XRCC5: variants seen among roughly 807,000 people sequenced by gnomAD.
XRCC5 encodes the protein DNA repair protein Ku80.
XRCC5 carries 12 observed loss-of-function variants against 95.7 expected under a neutral mutation model. That is an observed-to-expected ratio of 0.13 (90% CI 0.08 to 0.20). The LOEUF is 0.20. Ranked by LOEUF, XRCC5 falls within the 10% of genes least tolerant of loss-of-function variation. The pLI, the probability that XRCC5 is intolerant of heterozygous loss-of-function variation, is 1.00. For synonymous variants in XRCC5, 281 were observed against 290.3 expected, an observed-to-expected ratio of 0.97 and a Z score of 0.33; for missense variants, 595 against 873.9, an observed-to-expected ratio of 0.68 and a Z score of 4.02.
chr2:216,172,469 C>CTTTTTTTTTTTTTTTTTTTTTTTTT lies in XRCC5; in HGVS notation c.1834+10438_1834+10439insTTTTTTTTTTTTTTTTTTTTTTTTT, dbSNP rs746493174. Among the ~76,000 whole-genome samples the CTTTTTTTTTTTTTTTTTTTTTTTTT allele has an allele frequency of 6.1e-4, 66 of 107,738 alleles. 7 individuals carry two copies. Among genetic ancestry groups the CTTTTTTTTTTTTTTTTTTTTTTTTT allele is most frequent in the African/African-American group, 1.6e-3 (42 of 25,476 alleles). 70.7% of individuals were successfully genotyped at this position (107,738 alleles called of 152,430 possible). The stretch of plus-strand genomic sequence containing the variant: ...AAACTTTAGCATCAGCTTTTCTTTT[C>CTTTTTTTTTTTTTTTTTTTTTTTTT]TTTTTTTTTTTTTTTTTGAGACAAA... On this transcript the variant is annotated intron_variant, in intron 16 of 20. Transcript: ENST00000392132.
chr2:216,190,136 A>AAT, intron 16 of XRCC5, 89 bp from the exon 17 acceptor site: 1 of 1,109,640 alleles, frequency 9.0e-7, no homozygotes. Context: ...CTTGTGAACT[A>AAT]TAATACATAC....
chr2:216,192,944 A>G (rs1689645664), intron 18 of XRCC5, among the ~76,000 whole-genome samples: 1 of 152,174 alleles, frequency 6.6e-6, no homozygotes, highest in Non-Finnish European at 1.5e-5. Flanking sequence ...AGAGTGATAA[A>G]TAATAAATAA....
chr2:216,115,040 C>T (rs989439195), intron 2 of XRCC5, among the ~76,000 whole-genome samples: 1 of 152,088 alleles, frequency 6.6e-6, no homozygotes, highest in East Asian at 1.9e-4. Context: ...CAAAGAAGGG[C>T]GCAGGGCACT....
intron 16 of XRCC5, among the ~76,000 whole-genome samples, chr2:216,169,181 A>C (rs1305466532): frequency 6.6e-6 from 1 of 152,230 alleles, no homozygotes; most frequent in Non-Finnish European, 1.5e-5. Context: ...CTAAACATAC[A>C]TATTCAGCAG....
intron 13 of XRCC5, among the ~76,000 whole-genome samples, chr2:216,141,566 TC>T (rs869104927): frequency 0.013 from 697 of 53,770 alleles, 70 homozygotes; most frequent in African/African-American, 0.041. Context: ...TTTTTTTTTT[TC>T]CTGGAAGAAG....
intron 19 of XRCC5, among the ~76,000 whole-genome samples, chr2:216,197,401 C>T (rs1231800320): frequency 1.4e-5 from 2 of 147,012 alleles, no homozygotes; most frequent in African/African-American, 5.0e-5. Flanking sequence ...GCCGAGATCG[C>T]GCCATTGCAC....
chr2:216,115,186 G>A (rs1378874978), intron 2 of XRCC5, among the ~76,000 whole-genome samples: 2 of 152,056 alleles, frequency 1.3e-5, no homozygotes, highest in Non-Finnish European at 2.9e-5. Context: ...TGTTTACTTC[G>A]AGAAGACCAA....
Position 216,116,695 on chromosome 2 carries a change from C to T in XRCC5, c.172C>T (p.Leu58=). The change falls in exon 3 of 21, where the codon CTG becomes TTG. Residue 58 remains leucine (L), a synonymous_variant. Transcript: ENST00000392132. ...GAACAAGGATGAGATTGCTTTAGTC[C>T]TGTTTGGTACAGATGGCACTGACAA... ...AENKDEIALV[L]FGTDGTDNPL... 6.2e-7 allele frequency: 1 copy of T among 1,614,136 alleles called. No homozygotes were observed. The highest frequency in any genetic ancestry group is 2.2e-5 in the East Asian group (1 of 44,890).
intron 16 of XRCC5, among the ~76,000 whole-genome samples, chr2:216,169,015 A>AGGGTCAC (rs1177235648): frequency 6.6e-6 from 1 of 152,252 alleles, no homozygotes; most frequent in Non-Finnish European, 1.5e-5. Flanking sequence ...CACATATCTG[A>AGGGTCAC]AACCTTGTGC....
chr2:216,120,442 G>A (rs1377032390), intron 5 of XRCC5, among the ~76,000 whole-genome samples: 2 of 152,078 alleles, frequency 1.3e-5, no homozygotes, highest in African/African-American at 4.8e-5. Flanking sequence ...CTTTCTTCCT[G>A]TGCTACAAAC....
intron 16 of XRCC5, among the ~76,000 whole-genome samples, chr2:216,164,718 A>G (rs930655099): frequency 1.3e-5 from 2 of 152,236 alleles, no homozygotes; most frequent in Non-Finnish European, 2.9e-5. Context: ...ATTTACGCAC[A>G]GTCACGGCCT....
At chr2:216,149,882 AT>A (rs1435432034) in intron 14 of XRCC5, among the ~76,000 whole-genome samples, 1 of 152,176 alleles carries the variant, frequency 6.6e-6, no homozygotes, top group African/African-American at 2.4e-5. Flanking sequence ...AGCTAAGTTA[AT>A]CTTGCAGGGG....
intron 9 of XRCC5, among the ~76,000 whole-genome samples, chr2:216,131,832 G>A (rs1245521678): frequency 2.0e-5 from 3 of 152,120 alleles, no homozygotes; most frequent in African/African-American, 4.8e-5. Flanking sequence ...TTCTCCAAAT[G>A]TACCATGCTT....
chr2:216,136,306 A>C (rs1033921813), intron 10 of XRCC5, among the ~76,000 whole-genome samples: 28 of 151,136 alleles, frequency 1.9e-4, no homozygotes, highest in Non-Finnish European at 2.4e-4. Flanking sequence ...CGGTGAGCTG[A>C]GATCACGCCA....
intron 16 of XRCC5, among the ~76,000 whole-genome samples, chr2:216,168,444 G>A (rs1367716640): frequency 1.3e-5 from 2 of 152,106 alleles, no homozygotes; most frequent in East Asian, 1.9e-4. Context: ...AGCACATGAC[G>A]TAGAAACTAA....
At chr2:216,152,347 C>T (rs752460608) in intron 14 of XRCC5, among the ~76,000 whole-genome samples, 4 of 151,704 alleles carry the variant, frequency 2.6e-5, no homozygotes, top group African/African-American at 4.8e-5. Flanking sequence ...GGCTGAGGCA[C>T]GAAAATTGCT....
chr2:216,122,856 C>CTT (rs1696835433), intron 6 of XRCC5, among the ~76,000 whole-genome samples: 3 of 151,980 alleles, frequency 2.0e-5, no homozygotes, highest in Non-Finnish European at 4.4e-5. Flanking sequence ...CTTGAAGTAC[C>CTT]GTATAACAAT....
intron 16 of XRCC5, among the ~76,000 whole-genome samples, chr2:216,189,907 A>C (rs889547486): frequency 6.6e-6 from 1 of 152,238 alleles, no homozygotes; most frequent in Admixed American, 6.5e-5. Context: ...GGAAAATAAA[A>C]TAACAACAAC....
At chr2:216,159,995 G>A in intron 14 of XRCC5, 73 bp from the exon 15 acceptor site, 1 of 681,036 alleles carries the variant, frequency 1.5e-6, no homozygotes, top group Non-Finnish European at 2.3e-6. Flanking sequence ...TTGGTGCTTG[G>A]AAAATAAGTT....
Sources: allele counts gnomAD v4.1 joint callset (sites outside exome capture counted in the v4.1 genomes callset), GRCh38; gene constraint gnomAD v4.1.1; transcripts MANE v1.5; gene names NCBI Gene and HGNC (gene_info 2026-07-23, HGNC 2026-07-21).